MMEL1: variants seen among roughly 807,000 people sequenced by gnomAD.
MMEL1 encodes the protein membrane metallo-endopeptidase-like 1.
In MMEL1, 98 loss-of-function variants were observed where a neutral mutation model predicts 117.1. That is an observed-to-expected ratio of 0.84 (90% CI 0.71 to 0.99). MMEL1 has a LOEUF of 0.99. Ranked by LOEUF, MMEL1 falls within the 50% of genes least tolerant of loss-of-function variation. The probability of loss-of-function intolerance (pLI) is 0.00; values close to 1 mark genes in which losing one functional copy is unlikely to be tolerated. For missense variants in MMEL1, 1,014 were observed against 1,049.1 expected, an observed-to-expected ratio of 0.97 and a Z score of 0.46; for synonymous variants, 390 against 415.1, an observed-to-expected ratio of 0.94 and a Z score of 0.74.
intron 2 of MMEL1, among the ~76,000 whole-genome samples, chr1:2,614,740 T>C (rs1645177111): frequency 6.6e-6 from 1 of 152,024 alleles, no homozygotes; most frequent in Non-Finnish European, 1.5e-5. Flanking sequence ...CTGTTTGTTT[T>C]TCAGACACCA....
chr1:2,608,735 T>C (rs1337135959), intron 6 of MMEL1, among the ~76,000 whole-genome samples: 3 of 151,986 alleles, frequency 2.0e-5, no homozygotes, highest in Non-Finnish European at 4.4e-5. Context: ...ACAATACACA[T>C]GTGACATGCA....
chr1:2,622,265 C>G lies in MMEL1; in HGVS notation c.154+7066G>C, dbSNP rs527733785. On this transcript the variant is annotated intron_variant, in intron 2 of 23. Coordinates refer to ENST00000378412, the MANE Select transcript of MMEL1 (RefSeq NM_033467.4). The stretch of plus-strand genomic sequence containing the variant: ...CAACACTGTTTTAAACCAGTGCTTC[C>G]CTAACATGAATGTGCAGATGAATCA... 9.2e-5 allele frequency among the ~76,000 whole-genome samples: 14 copies of G among 152,256 alleles called. No homozygotes were observed. In the East Asian group the frequency reaches 2.3e-3, roughly 25 times the overall value.
chr1:2,605,320 G>A (rs1645004453), intron 9 of MMEL1, among the ~76,000 whole-genome samples: 1 of 152,204 alleles, frequency 6.6e-6, no homozygotes, highest in Non-Finnish European at 1.5e-5. Context: ...CCATGGGGCT[G>A]CTGCTGAGCT....
intron 19 of MMEL1, among the ~76,000 whole-genome samples, chr1:2,593,393 G>T (rs1011932983): frequency 6.6e-6 from 1 of 152,232 alleles, no homozygotes; most frequent in Non-Finnish European, 1.5e-5. Context: ...TCCCAGGCAG[G>T]GCAGTCCCCA....
chr1:2,604,017 C>T (rs747526148), intron 10 of MMEL1, 44 bp from the exon 11 acceptor site: 4 of 1,605,292 alleles, frequency 2.5e-6, no homozygotes, highest in East Asian at 4.5e-5. Flanking sequence ...GCCAGGATGC[C>T]CCCTGGGGCT....
At chr1:2,618,919 C>A (rs1645246367) in intron 2 of MMEL1, among the ~76,000 whole-genome samples, 1 of 152,226 alleles carries the variant, frequency 6.6e-6, no homozygotes, top group Non-Finnish European at 1.5e-5. Context: ...GGCCCTGGAT[C>A]TGAGTCTTCT....
Position 2,603,864 on chromosome 1 carries a change from C to A in MMEL1, c.1041+20G>T, listed in dbSNP as rs1270270451. The A allele has an allele frequency of 6.2e-7, 1 of 1,611,924 alleles. No individual in the cohort carries two copies. The highest frequency in any genetic ancestry group is 8.5e-7 in the Non-Finnish European group (1 of 1,179,052). On this transcript the variant is annotated intron_variant, in intron 11 of 23. Coordinates refer to ENST00000378412, the MANE Select transcript of MMEL1 (RefSeq NM_033467.4). ...GTCTCCACCCGGCCAGTGCCGGCCTCCTGTGTGGTGTGGCCTCACCTTCAG... is the reference window on the plus strand; with the variant it reads ...GTCTCCACCCGGCCAGTGCCGGCCTACTGTGTGGTGTGGCCTCACCTTCAG...
intron 2 of MMEL1, among the ~76,000 whole-genome samples, chr1:2,619,018 G>C (rs879385837): frequency 5.3e-5 from 8 of 152,138 alleles, no homozygotes; most frequent in Non-Finnish European, 1.0e-4. Flanking sequence ...GACTGTGCGT[G>C]GCCCAAGTGA....
intron 1 of MMEL1, among the ~76,000 whole-genome samples, chr1:2,630,816 G>C (rs1296896854): frequency 2.6e-5 from 4 of 151,348 alleles, no homozygotes; most frequent in African/African-American, 9.7e-5. Context: ...TCTCGTGTGT[G>C]CGTGTGCATG....
chr1:2,592,779 C>T, intron 20 of MMEL1, 54 bp downstream of exon 20: 2 of 1,611,172 alleles, frequency 1.2e-6, no homozygotes, highest in Non-Finnish European at 1.7e-6. Context: ...TCCCTCAGGG[C>T]CAGGGCTGGG....
chr1:2,595,444 G>A lies in MMEL1; in HGVS notation c.1501-85C>T, dbSNP rs1371561054. The A allele has an allele frequency of 4.1e-6, 5 of 1,207,242 alleles. No homozygotes were observed. Among genetic ancestry groups the A allele is most frequent in the Admixed American group, 3.5e-5 (2 of 57,910 alleles). 74.8% of individuals were successfully genotyped at this position (1,207,242 alleles called of 1,614,324 possible). On this transcript the variant is annotated intron_variant, in intron 15 of 23. Transcript: ENST00000378412. This position sits in a 1 kb window ranked among gnomAD's most constrained non-coding sequence, Gnocchi z 4.8. ...GGCCGGTCAGTGAGTGCCACACTGTGGGAGGGGTCAGCCCGGGGCATCCTG... is the reference window on the plus strand; with the variant it reads ...GGCCGGTCAGTGAGTGCCACACTGTAGGAGGGGTCAGCCCGGGGCATCCTG...
chr1:2,612,133 G>T lies in MMEL1; in HGVS notation c.226C>A (p.Pro76Thr). Residue 76 changes from proline (P) to threonine (T), a missense_variant, in exon 3 of 24, where the codon CCC (proline) becomes ACC (threonine). Pro to Thr is a conservative substitution (Grantham distance 38). Coordinates refer to ENST00000378412, the MANE Select transcript of MMEL1 (RefSeq NM_033467.4). The surrounding 1 kb of genome is among the most constrained non-coding windows in gnomAD (Gnocchi z 5.4). ...QEERTFVKRK[P>T]RGIPEAQEVS... is the part of the protein sequence containing the mutation. ...AAGGGAAGGCAAAGGCTACCTCGGG[G>T]TTTTCGTTTTACAAAGGTCCTCTCC... The T allele has an allele frequency of 1.0e-5, 16 of 1,578,406 alleles. No individual in the cohort carries two copies. The highest frequency in any genetic ancestry group is 1.4e-5 in the Non-Finnish European group (16 of 1,160,768).
At position 2,626,217 on chromosome 1, in the gene MMEL1, G is replaced by A. The variant is rs369553366; in HGVS notation, c.154+3114C>T. Among the ~76,000 whole-genome samples the A allele has an allele frequency of 7.2e-5, 11 of 152,306 alleles. No homozygotes were observed. In the East Asian group the frequency reaches 1.7e-3, roughly 24 times the overall value. ...TCAGGGACTTGGAAGAAGTATGATT[G>A]GAAAATTGGTGACAAAGAAATTTGG... On this transcript the variant is annotated intron_variant, in intron 2 of 23. Transcript: ENST00000378412.
chr1:2,612,206 T>C lies in MMEL1; in HGVS notation c.155-2A>G. ...TAGCAAGGCGTGGCAGCTGCTTCCC[T>C]GGGGAGAAACACAGCGCTCAGCTGC... is the stretch of plus-strand genomic sequence containing the variant. On this transcript the variant is annotated splice_acceptor_variant, in intron 2 of 23. Transcript: ENST00000378412. LOFTEE classifies it high-confidence loss of function. This position sits in a 1 kb window ranked among gnomAD's most constrained non-coding sequence, Gnocchi z 5.4. 6.4e-7 allele frequency: 1 copy of C among 1,566,934 alleles called. No individual in the cohort carries two copies. Among genetic ancestry groups the C allele is most frequent in the Admixed American group, 1.9e-5 (1 of 53,558 alleles).
intron 11 of MMEL1, among the ~76,000 whole-genome samples, chr1:2,602,894 T>A (rs1644956596): frequency 6.8e-6 from 1 of 147,760 alleles, no homozygotes; most frequent in South Asian, 2.1e-4. Flanking sequence ...TCTGGCTTTC[T>A]GACACGTTTT....
intron 9 of MMEL1, 147 bp downstream of exon 9, chr1:2,605,411 G>C: frequency 1.4e-6 from 1 of 721,622 alleles, no homozygotes; most frequent in Non-Finnish European, 2.4e-6. Context: ...GTCTGCACCC[G>C]CCACCCTCAG....
chr1:2,630,573 G>A (rs1638503944), intron 1 of MMEL1, among the ~76,000 whole-genome samples: 1 of 136,718 alleles, frequency 7.3e-6, no homozygotes, highest in Non-Finnish European at 1.7e-5. Context: ...GTGTGACTGT[G>A]AGTGAGTGTG....
Position 2,603,924 on chromosome 1 carries a change from C to T in MMEL1, c.1001G>A (p.Arg334Gln), listed in dbSNP as rs758215874. 1.7e-5 allele frequency: 28 copies of T among 1,613,792 alleles called. No homozygotes were observed. Among genetic ancestry groups the T allele is most frequent in the African/African-American group, 6.7e-5 (5 of 74,920 alleles). The change falls in exon 11 of 24, where the codon CGG becomes CAG. Residue 334 changes from arginine (R) to glutamine (Q), a missense_variant. By Grantham distance (43) the Arg-to-Gln change is conservative. Coordinates refer to ENST00000378412, the MANE Select transcript of MMEL1 (RefSeq NM_033467.4). ...GCTTTGCAGCTCCTCCAGTCCCATC[C>T]GGTGGTACAAGGCGATGACGTCGTG... ...ERHDVIALYH[R>Q]MGLEELQSQF...
rs545040854 is a variant in MMEL1 at position 2,612,683 on chromosome 1, C to T, written c.155-479G>A. On this transcript the variant is annotated intron_variant, in intron 2 of 23. Transcript: ENST00000378412. The surrounding 1 kb of genome is among the most constrained non-coding windows in gnomAD (Gnocchi z 5.4). The stretch of plus-strand genomic sequence containing the variant: ...CCACTAATGACCCTTGTCCCTAGCC[C>T]CTCCACCCTCACTGCTGCTGAAGGT... Among the ~76,000 whole-genome samples the T allele has an allele frequency of 6.6e-5, 10 of 152,228 alleles. No homozygotes were observed. In the South Asian group the frequency reaches 2.1e-3, roughly 32 times the overall value.
Sources: gnomAD v4.1 joint callset for allele counts (sites outside exome capture counted in the v4.1 genomes callset) on GRCh38, gnomAD v4.1.1 for gene constraint, Gnocchi (gnomAD v3.1) non-coding constraint, MANE v1.5 for transcripts, NCBI Gene and HGNC (gene_info 2026-07-23, HGNC 2026-07-21) for gene names.